The following PDE1C variants were observed in gnomAD, a reference collection of about 807,000 sequenced individuals.
PDE1C encodes the protein dual specificity calcium/calmodulin-dependent 3',5'-cyclic nucleotide phosphodiesterase 1C.
Under a neutral mutation model 93.1 loss-of-function variants are expected in PDE1C, and 62 were observed. The observed-to-expected ratio is 0.67, with a 90% CI of 0.54 to 0.82. PDE1C has a LOEUF of 0.82. Ranked by LOEUF, PDE1C falls within the 40% of genes least tolerant of loss-of-function variation. PDE1C has a pLI of 0.00. For synonymous variants in PDE1C, 325 were observed against 310.1 expected (o/e 1.05, Z -0.50); for missense variants, 742 against 884.6 (o/e 0.84, Z 2.04).
the PDE1C span, among the ~76,000 whole-genome samples, chr7:31,726,538 G>A: frequency 1.3e-5 from 2 of 152,084 alleles, no homozygotes; most frequent in Non-Finnish European, 2.9e-5. Flanking sequence ...CGTCAGACAA[G>A]GCCACTCTGT....
intron 2 of PDE1C, among the ~76,000 whole-genome samples, chr7:31,908,312 C>G (rs543663789): frequency 6.6e-6 from 1 of 152,200 alleles, no homozygotes; most frequent in Non-Finnish European, 1.5e-5. Context: ...CACAGTTTCT[C>G]TTTTATTGCA....
At chr7:32,398,731 C>G (rs1338989516) in intron 1 of PDE1C, among the ~76,000 whole-genome samples, 1 of 151,952 alleles carries the variant, frequency 6.6e-6, no homozygotes, top group African/African-American at 2.4e-5. Context: ...TAATGGTGAC[C>G]CTACAGGAAG....
chr7:31,809,041 C>G lies in PDE1C; in HGVS notation c.1881G>C (p.Lys627Asn). Residue 627 changes from lysine (K) to asparagine (N), a missense_variant, in exon 16 of 18, where the codon AAG (lysine) becomes AAC (asparagine). By Grantham distance (94) the Lys-to-Asn change is moderately conservative. Around this residue, in one of 4 missense-constraint regions of PDE1C, gnomAD observed 454 missense variants for 459.4 expected, o/e 0.99. Transcript: ENST00000396191. ...KDHSNIGNDS[K>N]KTDGTKQRSH... ...GAATAATACTCTTACCATCTGTTTT[C>G]TTTGAATCATTTCCGATGTTAGAGT... 1 of 1,576,158 alleles carries G rather than the reference C, an allele frequency of 6.3e-7. No homozygotes were observed. Among genetic ancestry groups the G allele is most frequent in the Non-Finnish European group, 8.7e-7 (1 of 1,147,082 alleles).
intron 1 of PDE1C, among the ~76,000 whole-genome samples, chr7:32,052,854 C>T (rs1584615379): frequency 6.6e-6 from 1 of 152,136 alleles, no homozygotes; most frequent in Admixed American, 6.5e-5. Flanking sequence ...AGAATGACAA[C>T]CATGACTCCA....
intron 3 of PDE1C, among the ~76,000 whole-genome samples, chr7:32,155,218 C>G (rs939754237): frequency 6.6e-6 from 1 of 152,182 alleles, no homozygotes; most frequent in Non-Finnish European, 1.5e-5. Context: ...TGGAGCCAAA[C>G]TGTCTGGCTT....
the PDE1C span, among the ~76,000 whole-genome samples, chr7:31,622,431 C>G: frequency 2.6e-5 from 4 of 151,618 alleles, no homozygotes; most frequent in African/African-American, 9.7e-5. Context: ...TGCAATCAAA[C>G]TAGAACTCAG....
At chr7:32,245,373 A>G (rs537485326) in intron 1 of PDE1C, among the ~76,000 whole-genome samples, 13 of 152,296 alleles carry the variant, frequency 8.5e-5, no homozygotes, top group Admixed American at 3.3e-4. Flanking sequence ...AAGCAATACA[A>G]TTAGCTCACT....
intron 7 of PDE1C, among the ~76,000 whole-genome samples, chr7:31,864,215 T>C (rs1467039376): frequency 1.3e-5 from 2 of 152,150 alleles, no homozygotes; most frequent in Middle Eastern, 3.4e-3. Context: ...CAAAAACAAC[T>C]GAAGATGGTG....
intron 2 of PDE1C, among the ~76,000 whole-genome samples, chr7:31,992,978 G>A (rs1195620334): frequency 1.3e-5 from 2 of 152,026 alleles, no homozygotes; most frequent in African/African-American, 2.4e-5. Flanking sequence ...TCAAACGATC[G>A]GCACCTACTT....
intron 1 of PDE1C, among the ~76,000 whole-genome samples, chr7:32,374,102 GGGAA>G (rs1305953782): frequency 1.9e-4 from 2 of 10,284 alleles, no homozygotes; most frequent in African/African-American, 5.2e-4. Context: ...GAGGGAGGGA[GGGAA>G]GGAAGGAAGG....
chr7:32,368,723 G>A (rs1028172982), intron 1 of PDE1C, among the ~76,000 whole-genome samples: 5 of 152,024 alleles, frequency 3.3e-5, no homozygotes, highest in Admixed American at 2.0e-4. Context: ...GAACAAAGCT[G>A]GAAGCATCAC....
At chr7:32,337,072 C>T (rs1038280025) in intron 1 of PDE1C, among the ~76,000 whole-genome samples, 2 of 152,078 alleles carry the variant, frequency 1.3e-5, no homozygotes, top group Admixed American at 1.3e-4. Context: ...TCCTTTCCAC[C>T]CCTACTTTCC....
At chr7:32,057,254 C>T (rs995581147) in intron 1 of PDE1C, among the ~76,000 whole-genome samples, 1 of 152,184 alleles carries the variant, frequency 6.6e-6, no homozygotes, top group African/African-American at 2.4e-5. Context: ...ATCTCATGTG[C>T]TATGGCTAGA....
At chr7:32,370,297 A>C in intron 1 of PDE1C, among the ~76,000 whole-genome samples, 1 of 151,960 alleles carries the variant, frequency 6.6e-6, no homozygotes, top group East Asian at 1.9e-4. Context: ...AAAATACAAA[A>C]AATTAGCTGG....
chr7:31,717,047 G>A, the PDE1C span, among the ~76,000 whole-genome samples: 1 of 152,134 alleles, frequency 6.6e-6, no homozygotes, highest in Admixed American at 6.5e-5. Flanking sequence ...TCCAAACTTG[G>A]AAACCTGACA....
intron 2 of PDE1C, among the ~76,000 whole-genome samples, chr7:31,884,320 AT>A (rs1797622232): frequency 6.6e-6 from 1 of 152,200 alleles, no homozygotes; most frequent in African/African-American, 2.4e-5. Flanking sequence ...ACAGAAGTGA[AT>A]TTTAGGGAGC....
chr7:32,039,540 C>T (rs184570260), intron 2 of PDE1C, among the ~76,000 whole-genome samples: 23 of 152,286 alleles, frequency 1.5e-4, no homozygotes, highest in African/African-American at 2.9e-4. Flanking sequence ...ACAACGGGGA[C>T]GACCCTGTCC....
At chr7:31,950,148 C>A (rs1206284983) in intron 2 of PDE1C, among the ~76,000 whole-genome samples, 1 of 152,170 alleles carries the variant, frequency 6.6e-6, no homozygotes, top group African/African-American at 2.4e-5. Context: ...CAAGCTATCC[C>A]TCCACAAGTT....
chr7:31,990,822 G>A (rs1253254344), intron 2 of PDE1C, among the ~76,000 whole-genome samples: 1 of 151,956 alleles, frequency 6.6e-6, no homozygotes. Flanking sequence ...CAAGATACAG[G>A]AAAAAAATGA....
Sources: gnomAD v4.1 joint callset for allele counts (sites outside exome capture counted in the v4.1 genomes callset) on GRCh38, gnomAD v4.1.1 for gene constraint, gnomAD v4.1.1 regional missense constraint, MANE v1.5 for transcripts, NCBI Gene and HGNC (gene_info 2026-07-23, HGNC 2026-07-21) for gene names.